TTN: variants seen among roughly 807,000 people sequenced by gnomAD.
TTN encodes connectin.
TTN carries 1,525 observed loss-of-function variants against 3,223.0 expected under a neutral mutation model. The ratio of observed to expected loss-of-function variants is 0.47; its 90% CI spans 0.45 to 0.49. The LOEUF (loss-of-function observed/expected upper bound fraction) is 0.49, where lower values mean the gene tolerates loss of function less well. Among genes scored for constraint, TTN ranks in the 20% least tolerant of loss-of-function variants. The pLI is 0.00. For missense variants in TTN, 40,786 were observed against 43,424.0 expected, an observed-to-expected ratio of 0.94 and a Z score of 5.40; for synonymous variants, 14,094 against 15,161.0, an observed-to-expected ratio of 0.93 and a Z score of 5.17.
At position 178,577,565 on chromosome 2, in the gene TTN, T is replaced by TA. The variant is rs148238009; in HGVS notation, c.68824+36dup. On this transcript the variant is annotated intron_variant, in intron 323 of 362. Coordinates refer to ENST00000589042, the MANE Select transcript of TTN (RefSeq NM_001267550.2). ...AAAAGGAAGGAGGCTTAATTTGCTT[T>TA]AAAAAAAAAAGTACATAAAAAGTAA... The TA allele has an allele frequency of 1.8e-3, 2,607 of 1,417,890 alleles. 14 individuals are homozygous for TA. In the African/African-American group the frequency reaches 0.019, roughly 10 times the overall value. 87.8% of individuals were successfully genotyped at this position (1,417,890 alleles called of 1,614,324 possible).
In TTN at chr2:178,551,763, G is replaced by A. The variant is rs1699532996; in HGVS notation, c.91137C>T (p.Ile30379=). The stretch of plus-strand genomic sequence containing the variant: ...CAGTGGCTCTATATTCTCTTCCAGA[G>A]ATTGGTGATGTATTAACTTTTTGCC... ...ILWQKVNTSP[I]SGREYRATGL... Residue 30379 remains isoleucine, a synonymous_variant, in exon 335 of 363, where the codon ATC becomes ATT. Transcript: ENST00000589042. 6.2e-7 allele frequency: 1 copy of A among 1,613,762 alleles called. No homozygotes were observed. The highest frequency in any genetic ancestry group is 8.5e-7 in the Non-Finnish European group (1 of 1,179,828).
At chr2:178,542,113 GAGAAAAGGAGGTTTAGAAACCTT>G in intron 349 of TTN, 128 bp downstream of exon 349, 1 of 762,060 alleles carries the variant, frequency 1.3e-6, no homozygotes, top group Non-Finnish European at 2.0e-6. Context: ...TTAGAAACCT[GAGAAAAGGAGGTTTAGAAACCTT>G]AGAAAGACCA....
intron 18 of TTN, 100 bp downstream of exon 18, chr2:178,782,706 G>T: frequency 6.2e-7 from 1 of 1,606,030 alleles, no homozygotes; most frequent in South Asian, 1.1e-5. Context: ...GTTCCAAAAA[G>T]GGACATCATT....
Position 178,544,207 on chromosome 2 carries a change from T to G in TTN, c.96022A>C (p.Arg32008=), listed in dbSNP as rs756449788. 5 of 1,612,690 alleles carry G rather than the reference T, an allele frequency of 3.1e-6. No homozygotes were observed. The highest frequency in any genetic ancestry group is 4.2e-6 in the Non-Finnish European group (5 of 1,178,770). The change falls in exon 345 of 363, where the codon AGA becomes CGA. Residue 32008 remains arginine, a synonymous_variant. Transcript: ENST00000589042. ...ESIAEIEPVE[R]IEIPDLELAD... ...AAGCTTCTGTGATAAATACCTATTC[T>G]TTCCACGGGCTCAATTTCAGCAATT...
At position 178,591,230 on chromosome 2, in the gene TTN, A is replaced by C; in HGVS notation, c.60495T>G (p.His20165Gln). Residue 20165 changes from histidine to glutamine, a missense_variant, in exon 304 of 363, where the codon CAT (histidine) becomes CAG (glutamine). By Grantham distance (24) the His-to-Gln change is conservative (BLOSUM62 0). Coordinates refer to ENST00000589042, the MANE Select transcript of TTN (RefSeq NM_001267550.2). ...GCCCAGGAACATCAAGAACAGTAAG[A>C]TGTACGGCTACTGTTTTGCTACCGG... Reference protein sequence around the residue: ...NAAGSKTVAVHLTVLDVPGPP... With the variant: ...NAAGSKTVAVQLTVLDVPGPP... 1.2e-6 allele frequency: 2 copies of C among 1,613,432 alleles called. No individual in the cohort carries two copies. The highest frequency in any genetic ancestry group is 4.5e-5 in the East Asian group (2 of 44,800).
In TTN at chr2:178,572,949, A is replaced by G. The variant is rs1489927926; in HGVS notation, c.73183T>C (p.Tyr24395His). 1 of 1,613,236 alleles carries G rather than the reference A, an allele frequency of 6.2e-7. No individual in the cohort carries two copies. Among genetic ancestry groups the G allele is most frequent in the Admixed American group, 1.7e-5 (1 of 59,976 alleles). ...TTCATGGCATAGATGCGGATCTTATATTCCTGATTCTCTGTGAGGCCAGTG... is the reference window on the plus strand; with the variant it reads ...TTCATGGCATAGATGCGGATCTTATGTTCCTGATTCTCTGTGAGGCCAGTG... ...TITGLTENQE[Y>H]KIRIYAMNSE... Residue 24395 changes from tyrosine to histidine, a missense_variant, in exon 326 of 363, where the codon TAT becomes CAT. Physicochemically the swap from Tyr to His is moderately conservative, Grantham distance 83 (BLOSUM62 2). Coordinates refer to ENST00000589042, the MANE Select transcript of TTN (RefSeq NM_001267550.2).
At position 178,585,354 on chromosome 2, in the gene TTN, G is replaced by A. The variant is rs759877540; in HGVS notation, c.64397-7C>T. On this transcript the variant is annotated splice_region_variant and splice_polypyrimidine_tract_variant and intron_variant, in intron 308 of 362. Coordinates refer to ENST00000589042, the MANE Select transcript of TTN (RefSeq NM_001267550.2). Reference sequence around the variant, plus strand: ...ATAAGGATCTTTGGTGGCACTGAAAGTAAAATGAAAAGATATTAATTTTGG... The same window carrying A: ...ATAAGGATCTTTGGTGGCACTGAAAATAAAATGAAAAGATATTAATTTTGG... 1 of 1,561,152 alleles carries A rather than the reference G, an allele frequency of 6.4e-7. No homozygotes were observed. Among genetic ancestry groups the A allele is most frequent in the Non-Finnish European group, 8.6e-7 (1 of 1,156,670 alleles).
chr2:178,644,352 T>C, intron 218 of TTN, 196 bp downstream of exon 218: 1 of 475,296 alleles, frequency 2.1e-6, no homozygotes, highest in Non-Finnish European at 3.7e-6. Flanking sequence ...TGTCTATACA[T>C]GTATGAAATG....
intron 127 of TTN, among the ~76,000 whole-genome samples, chr2:178,687,292 C>T (rs1397877744): frequency 2.0e-5 from 3 of 152,130 alleles, no homozygotes; most frequent in Non-Finnish European, 2.9e-5. Flanking sequence ...GTTCTTTTGG[C>T]CACATGGCTC....
Position 178,568,719 on chromosome 2 carries a change from T to C in TTN, c.77413A>G (p.Ser25805Gly). ...VIEPDVKPAF[S>G]SYSVQVGQDL... ...TGGCCAACCTGTACACTGTAACTAC[T>C]GAATGCAGGTTTTACATCTGGCTCA... The change falls in exon 326 of 363, where the codon AGT becomes GGT. Residue 25805 changes from serine to glycine, a missense_variant. Ser to Gly is a moderately conservative substitution (Grantham distance 56, BLOSUM62 0). Coordinates refer to ENST00000589042, the MANE Select transcript of TTN (RefSeq NM_001267550.2). 1.2e-6 allele frequency: 2 copies of C among 1,613,298 alleles called. No individual in the cohort carries two copies. The highest frequency in any genetic ancestry group is 1.7e-6 in the Non-Finnish European group (2 of 1,179,536).
In TTN at chr2:178,549,604, A is replaced by C. The variant is rs1243918703; in HGVS notation, c.92118T>G (p.Leu30706=). The change falls in exon 338 of 363, where the codon CTT becomes CTG. Residue 30706 remains leucine, a synonymous_variant. Coordinates refer to ENST00000589042, the MANE Select transcript of TTN (RefSeq NM_001267550.2). ...AVNKFGVGRP[L]DSDPVVAQIQ... is the part of the protein sequence containing the mutation. ...TTTGAGCAACCACTGGATCAGAATC[A>C]AGTGGCCTGCCAACACCAAACTTGT... The C allele has an allele frequency of 1.9e-6, 3 of 1,613,630 alleles. No homozygotes were observed. Among genetic ancestry groups the C allele is most frequent in the Non-Finnish European group, 1.7e-6 (2 of 1,179,588 alleles).
rs764256594 is a variant in TTN at position 178,613,216 on chromosome 2, A to G, written c.49593T>C (p.Ala16531=). 15 of 1,611,698 alleles carry G rather than the reference A, an allele frequency of 9.3e-6. 1 individual carries two copies. The Admixed American group carries it at 2.5e-4, about 27-fold the overall frequency. The part of the protein sequence containing the change: ...YRFRVLAENL[A]GPGKPSKSTE... ...TTGATTTGCTTGGTTTTCCAGGTCC[A>G]GCAAGATTTTCAGCCAACACACGGA... The change falls in exon 264 of 363, where the codon GCT becomes GCC. Residue 16531 remains alanine, a synonymous_variant. Coordinates refer to ENST00000589042, the MANE Select transcript of TTN (RefSeq NM_001267550.2).
chr2:178,773,562 A>G lies in TTN; in HGVS notation c.7494T>C (p.Thr2498=). Residue 2498 remains threonine, a synonymous_variant, in exon 32 of 363, where the codon ACT becomes ACC. Transcript: ENST00000589042. ...TTCGGTTAATGACTAGTCGCTGTTT[A>G]GTACCTTTCACAATGGCCTGTACAC... is the stretch of plus-strand genomic sequence containing the variant. ...DDRVQAIVKG[T]KQRLVINRTH... is the part of the protein sequence containing the mutation. The G allele has an allele frequency of 6.2e-7, 1 of 1,614,060 alleles. No individual in the cohort carries two copies. Among genetic ancestry groups the G allele is most frequent in the South Asian group, 1.1e-5 (1 of 91,082 alleles).
chr2:178,750,631 C>T, intron 47 of TTN: 1 of 1,612,802 alleles, frequency 6.2e-7, no homozygotes, highest in Non-Finnish European at 8.5e-7. Flanking sequence ...TTTCTTCCTT[C>T]TGTTCGGTTT....
intron 252 of TTN, 54 bp from the exon 253 acceptor site, chr2:178,618,135 G>A: frequency 6.2e-7 from 1 of 1,609,994 alleles, no homozygotes; most frequent in Non-Finnish European, 8.5e-7. Flanking sequence ...GATGATGAAG[G>A]CAAAGACTGC....
Position 178,572,466 on chromosome 2 carries a change from C to G in TTN, c.73666G>C (p.Val24556Leu). The change falls in exon 326 of 363, where the codon GTT becomes CTT. Residue 24556 changes from valine (V) to leucine (L), a missense_variant. By Grantham distance (32) the Val-to-Leu change is conservative. Transcript: ENST00000589042. The stretch of plus-strand genomic sequence containing the variant: ...TTTCTTGTTGATTCCCGCTTTTCAA[C>G]AATATAGTTCTTGATTTTTGAACCT... ...DGGSKIKNYI[V>L]EKRESTRKAY... The G allele has an allele frequency of 1.2e-6, 2 of 1,612,658 alleles. No homozygotes were observed. Among genetic ancestry groups the G allele is most frequent in the Non-Finnish European group, 1.7e-6 (2 of 1,179,072 alleles).
Position 178,598,666 on chromosome 2 carries a change from C to T in TTN, c.56963-12G>A. On this transcript the variant is annotated splice_polypyrimidine_tract_variant and intron_variant, in intron 291 of 362. Transcript: ENST00000589042. ...AGGACCAGGAGGGGCTGCAAAGAGC[C>T]AGTATACGTTAGTATTCTTGACTTT... The T allele has an allele frequency of 1.2e-6, 2 of 1,600,768 alleles. No individual in the cohort carries two copies. The highest frequency in any genetic ancestry group is 1.7e-6 in the Non-Finnish European group (2 of 1,176,462).
rs1354041065 is a variant in TTN at position 178,534,797 on chromosome 2, T to C, written c.101818A>G (p.Ile33940Val). 6.2e-7 allele frequency: 1 copy of C among 1,612,132 alleles called. No homozygotes were observed. The highest frequency in any genetic ancestry group is 1.7e-4 in the Middle Eastern group (1 of 6,058). Residue 33940 changes from isoleucine (I) to valine (V), a missense_variant, in exon 358 of 363, where the codon ATT becomes GTT. Ile to Val is a conservative substitution (Grantham distance 29). Transcript: ENST00000589042. ...TGGTAAATGATATTTTCTGGTCTAATGTCAAAGTGTCCAATATTATGACTG... is the reference window on the plus strand; with the variant it reads ...TGGTAAATGATATTTTCTGGTCTAACGTCAAAGTGTCCAATATTATGACTG... ...LHSHNIGHFD[I>V]RPENIIYQTR... is the part of the protein sequence containing the mutation.
At chr2:178,742,607 A>G (rs1015256422) in intron 47 of TTN, among the ~76,000 whole-genome samples, 2 of 152,158 alleles carry the variant, frequency 1.3e-5, no homozygotes, top group Non-Finnish European at 1.5e-5. Context: ...AGTTCATTGT[A>G]TTTTATTGTA....
Sources: gnomAD v4.1 joint callset for allele counts (sites outside exome capture counted in the v4.1 genomes callset) on GRCh38, gnomAD v4.1.1 for gene constraint, MANE v1.5 for transcripts, NCBI Gene and HGNC (gene_info 2026-07-23, HGNC 2026-07-21) for gene names.